VPS13B: variants seen among roughly 807,000 people sequenced by gnomAD.
VPS13B encodes intermembrane lipid transfer protein VPS13B.
VPS13B carries 285 observed loss-of-function variants against 426.4 expected under a neutral mutation model. That is an observed-to-expected ratio of 0.67 (90% confidence interval 0.61 to 0.74). VPS13B has a LOEUF of 0.74. Ranked by LOEUF, VPS13B falls within the 30% of genes least tolerant of loss-of-function variation. VPS13B has a pLI of 0.00. For missense variants in VPS13B, 4,537 were observed against 4,782.6 expected (o/e 0.95, Z 1.51); for synonymous variants, 1,676 against 1,676.4 (o/e 1.00, Z 0.01).
chr8:99,366,822 A>G (rs1444165557), intron 19 of VPS13B, among the ~76,000 whole-genome samples: 2 of 152,146 alleles, frequency 1.3e-5, no homozygotes, highest in African/African-American at 4.8e-5. Context: ...CATTATTTTA[A>G]ACTGATGACA....
intron 33 of VPS13B, among the ~76,000 whole-genome samples, chr8:99,595,198 A>G (rs1007837575): frequency 3.9e-5 from 6 of 151,918 alleles, no homozygotes; most frequent in Admixed American, 6.6e-5. Flanking sequence ...TAGATGAAAA[A>G]TGTTAAACTT....
intron 2 of VPS13B, among the ~76,000 whole-genome samples, chr8:99,030,276 T>A (rs1177773106): frequency 1.3e-5 from 2 of 150,598 alleles, no homozygotes; most frequent in African/African-American, 4.9e-5. Context: ...ATGTTCAGCG[T>A]TGTTTAGTTA....
rs187501025 is a variant in VPS13B, at chr8:99,467,706, G to A, written c.3666+72G>A. On this transcript the variant is annotated intron_variant, in intron 24 of 61. Coordinates refer to ENST00000357162, the MANE Select transcript of VPS13B (RefSeq NM_152564.5). ...AAAAGCAATTGTTATCCATTTTGTT[G>A]AAGGGTTTCTCTTCTCTTGAGTATC... The A allele has an allele frequency of 2.3e-4, 343 of 1,488,840 alleles. No homozygotes were observed. The African/African-American group carries it at 4.3e-3, about 19-fold the overall frequency. 92.2% of individuals were successfully genotyped at this position (1,488,840 alleles called of 1,614,324 possible). A position where few individuals can be genotyped will look rare whatever the true frequency, so the allele number is the denominator to read the frequency against.
chr8:99,064,772 T>C lies in VPS13B; in HGVS notation c.291+26206T>C, dbSNP rs181115151. Among the ~76,000 whole-genome samples the C allele has an allele frequency of 6.6e-4, 100 of 152,228 alleles. 2 individuals carry two copies. Among genetic ancestry groups the C allele is most frequent in the African/African-American group, 2.1e-3 (88 of 41,526 alleles). ...AATATAGAGAACACCACAAAGATACTCTTCGAGAAGAGCAACTCCAAGACA... is the reference window on the plus strand; with the variant it reads ...AATATAGAGAACACCACAAAGATACCCTTCGAGAAGAGCAACTCCAAGACA... On this transcript the variant is annotated intron_variant, in intron 3 of 61. Transcript: ENST00000357162.
intron 15 of VPS13B, among the ~76,000 whole-genome samples, chr8:99,157,592 CACAA>C (rs1811429813): frequency 1.3e-5 from 2 of 152,100 alleles, no homozygotes; most frequent in African/African-American, 4.8e-5. Flanking sequence ...ATCCTTGAGA[CACAA>C]CAATATTGAA....
chr8:99,204,521 A>G (rs1375196672), intron 17 of VPS13B, among the ~76,000 whole-genome samples: 1 of 152,228 alleles, frequency 6.6e-6, no homozygotes, highest in Admixed American at 6.5e-5. Flanking sequence ...AATCTCATCA[A>G]ACGAAAGAGC....
chr8:99,412,909 C>A (rs1200643783), intron 21 of VPS13B, among the ~76,000 whole-genome samples: 4 of 152,116 alleles, frequency 2.6e-5, no homozygotes, highest in African/African-American at 9.7e-5. Flanking sequence ...GGGGTGAAGC[C>A]AACTTGACCA....
chr8:99,571,944 T>C (rs372966562), intron 31 of VPS13B, among the ~76,000 whole-genome samples: 6 of 152,318 alleles, frequency 3.9e-5, no homozygotes, highest in South Asian at 2.1e-4. Context: ...GCTCTGCTCA[T>C]TGCAAGTTTA....
intron 19 of VPS13B, among the ~76,000 whole-genome samples, chr8:99,315,641 C>CTT (rs758454074): frequency 1.4e-5 from 2 of 139,996 alleles, no homozygotes; most frequent in South Asian, 2.3e-4. Flanking sequence ...TTGTAAATTT[C>CTT]TTTTTTTTTT....
intron 19 of VPS13B, among the ~76,000 whole-genome samples, chr8:99,324,771 A>G (rs1810153773): frequency 6.6e-6 from 1 of 152,200 alleles, no homozygotes; most frequent in Non-Finnish European, 1.5e-5. Context: ...TTCTAAAGAA[A>G]AGAACCAATT....
chr8:99,868,062 T>C, intron 58 of VPS13B: 2 of 524,414 alleles, frequency 3.8e-6, no homozygotes, highest in Non-Finnish European at 6.8e-6. Context: ...TCACAGATCC[T>C]GACTGTGTGG....
chr8:99,369,568 T>G (rs1481697350), intron 19 of VPS13B, among the ~76,000 whole-genome samples: 16 of 151,700 alleles, frequency 1.1e-4, no homozygotes, highest in Admixed American at 1.1e-3. Flanking sequence ...ACCTGGAGAG[T>G]TAGGGTTGTC....
chr8:99,676,399 ACAGGTCAAGAGGCT>A (rs1384479750), intron 35 of VPS13B, among the ~76,000 whole-genome samples: 1 of 152,050 alleles, frequency 6.6e-6, no homozygotes, highest in Non-Finnish European at 1.5e-5. Context: ...TAGCACTGGG[ACAGGTCAAGAGGCT>A]CAGTACATGG....
chr8:99,465,049 A>T (rs894680506), intron 23 of VPS13B, among the ~76,000 whole-genome samples: 1 of 152,146 alleles, frequency 6.6e-6, no homozygotes, highest in Admixed American at 6.6e-5. Flanking sequence ...TAGCATTACA[A>T]CTTTCCAAGT....
intron 19 of VPS13B, among the ~76,000 whole-genome samples, chr8:99,368,551 A>G (rs779491785): frequency 4.6e-5 from 7 of 152,152 alleles, no homozygotes; most frequent in Non-Finnish European, 1.0e-4. Context: ...TAGTTATAGA[A>G]TATTATTTCT....
Position 99,136,744 on chromosome 8 carries a change from G to A in VPS13B, c.1643G>A (p.Ser548Asn). 1 of 1,613,478 alleles carries A rather than the reference G, an allele frequency of 6.2e-7. No homozygotes were observed. The highest frequency in any genetic ancestry group is 1.1e-5 in the South Asian group (1 of 91,076). The change falls in exon 12 of 62, where the codon AGT becomes AAT. Residue 548 changes from serine (S) to asparagine (N), a missense_variant. Physicochemically the swap from Ser to Asn is conservative, Grantham distance 46. Transcript: ENST00000357162. Reference sequence around the variant, plus strand: ...TACCTGTATACAATGGAGAACACTAGTGGCAAAGGTATTGGCTTCTTTCCT... The same window carrying A: ...TACCTGTATACAATGGAGAACACTAATGGCAAAGGTATTGGCTTCTTTCCT... ...MDYLYTMENTSGKGSTNQQDF... is the reference protein window; with the variant it reads ...MDYLYTMENTNGKGSTNQQDF...
chr8:99,742,266 C>T (rs1166396843), intron 39 of VPS13B, among the ~76,000 whole-genome samples: 1 of 152,174 alleles, frequency 6.6e-6, no homozygotes, highest in Non-Finnish European at 1.5e-5. Flanking sequence ...CCTCCCAAGA[C>T]TAAACCAGGA....
At chr8:99,646,835 A>G (rs1362256096) in intron 34 of VPS13B, among the ~76,000 whole-genome samples, 1 of 152,008 alleles carries the variant, frequency 6.6e-6, no homozygotes, top group Non-Finnish European at 1.5e-5. Context: ...CTCTCTCCCC[A>G]TGTGATGCGC....
At chr8:99,336,014 C>T (rs1217678401) in intron 19 of VPS13B, among the ~76,000 whole-genome samples, 1 of 152,132 alleles carries the variant, frequency 6.6e-6, no homozygotes, top group African/African-American at 2.4e-5. Context: ...GAAAAAACTA[C>T]TTTAAAGTTC....
Sources: allele counts gnomAD v4.1 joint callset (sites outside exome capture counted in the v4.1 genomes callset), GRCh38; gene constraint gnomAD v4.1.1; transcripts MANE v1.5; gene names NCBI Gene and HGNC (gene_info 2026-07-23, HGNC 2026-07-21).